The following TMEM232 variants were observed in gnomAD, a reference collection of about 807,000 sequenced individuals.
TMEM232 encodes the protein transmembrane protein 232.
A neutral mutation model predicts 78.8 loss-of-function variants in TMEM232; 80 were observed. The ratio of observed to expected loss-of-function variants is 1.01; its 90% confidence interval spans 0.85 to 1.22. The LOEUF (loss-of-function observed/expected upper bound fraction) is 1.22. Among genes scored for constraint, TMEM232 ranks in the 50% most tolerant of loss-of-function variants. TMEM232 has a pLI of 0.00. For synonymous variants in TMEM232, 297 were observed against 254.3 expected, an observed-to-expected ratio of 1.17 and a Z score of -1.60; for missense variants, 881 against 742.2, an observed-to-expected ratio of 1.19 and a Z score of -2.17.
chr5:110,581,273 A>G (rs1261454832), intron 10 of TMEM232, among the ~76,000 whole-genome samples: 1 of 152,064 alleles, frequency 6.6e-6, no homozygotes, highest in Non-Finnish European at 1.5e-5. Context: ...GCTATACAAC[A>G]AGGCTACAGT....
chr5:110,634,205 A>G (rs1785505671), intron 5 of TMEM232, among the ~76,000 whole-genome samples: 1 of 152,114 alleles, frequency 6.6e-6, no homozygotes, highest in Admixed American at 6.6e-5. Context: ...AACAAATACT[A>G]CTAGATCTAA....
In TMEM232 at chr5:110,570,462, G is replaced by A. The variant is rs376943481; in HGVS notation, c.1277-1837C>T. 1.2e-3 allele frequency among the ~76,000 whole-genome samples: 186 copies of A among 152,000 alleles called. 3 individuals carry two copies. The South Asian group carries it at 0.037, about 31-fold the overall frequency. ...AATAATTTGTAAGAGAAATTAGAGG[G>A]TAACTGTTAAATGAAAAGATGATGG... is the stretch of plus-strand genomic sequence containing the variant. On this transcript the variant is annotated intron_variant, in intron 10 of 13. Transcript: ENST00000455884.
At chr5:110,699,646 C>G (rs1295922173) in intron 1 of TMEM232, among the ~76,000 whole-genome samples, 1 of 151,930 alleles carries the variant, frequency 6.6e-6, no homozygotes, top group African/African-American at 2.4e-5. Flanking sequence ...ATCTTGGAAA[C>G]CATTTCTCGA....
intron 2 of TMEM232, among the ~76,000 whole-genome samples, chr5:110,733,658 A>C (rs1380922592): frequency 6.6e-6 from 1 of 152,080 alleles, no homozygotes. Context: ...CAAAGAGGGG[A>C]CCAACAGACA....
chr5:110,630,927 GA>G (rs1319349658), intron 5 of TMEM232, among the ~76,000 whole-genome samples: 1 of 152,082 alleles, frequency 6.6e-6, no homozygotes, highest in African/African-American at 2.4e-5. Context: ...CAGTGAGCTA[GA>G]GACCCCTGAA....
intron 12 of TMEM232, among the ~76,000 whole-genome samples, chr5:110,474,645 T>A (rs1763050916): frequency 6.6e-6 from 1 of 151,988 alleles, no homozygotes; most frequent in African/African-American, 2.4e-5. Flanking sequence ...GTGACTTTTA[T>A]ACTTAGAAAA....
chr5:110,631,498 C>T (rs576835928), intron 5 of TMEM232, among the ~76,000 whole-genome samples: 3 of 152,246 alleles, frequency 2.0e-5, no homozygotes, highest in South Asian at 4.2e-4. Context: ...TGTTCAGGCT[C>T]ATGCATAGGG....
chr5:110,416,586 G>A (rs1756223501), downstream of TMEM232, among the ~76,000 whole-genome samples: 1 of 152,112 alleles, frequency 6.6e-6, no homozygotes, highest in Non-Finnish European at 1.5e-5. Flanking sequence ...TTTGAAATTT[G>A]GAAGCAAAGT....
At chr5:110,499,644 C>CATAT (rs1297338271) in intron 12 of TMEM232, among the ~76,000 whole-genome samples, 4 of 147,380 alleles carry the variant, frequency 2.7e-5, no homozygotes, top group African/African-American at 1.1e-4. Context: ...CCCACACACA[C>CATAT]ACATATATAT....
intron 12 of TMEM232, among the ~76,000 whole-genome samples, chr5:110,478,056 G>A (rs1763446106): frequency 6.6e-6 from 1 of 151,878 alleles, no homozygotes; most frequent in Non-Finnish European, 1.5e-5. Context: ...GCATTACCAT[G>A]TGACATGTCT....
chr5:110,417,990 A>C (rs528825357), downstream of TMEM232: 1 of 152,170 alleles, frequency 6.6e-6, no homozygotes, highest in Non-Finnish European at 1.5e-5. Context: ...AGTACCAGCA[A>C]TAACTGGGCA....
intron 10 of TMEM232, 82 bp downstream of exon 10, chr5:110,605,027 C>A: frequency 1.5e-6 from 2 of 1,349,960 alleles, no homozygotes; most frequent in Non-Finnish European, 2.0e-6. Flanking sequence ...TAAATATTAA[C>A]TTTGAGTAGA....
chr5:110,713,725 C>T (rs1796731332), intron 1 of TMEM232, among the ~76,000 whole-genome samples: 1 of 151,874 alleles, frequency 6.6e-6, no homozygotes, highest in African/African-American at 2.4e-5. Flanking sequence ...AGAAAAAAGA[C>T]AGCTTTATCT....
At position 110,567,598 on chromosome 5, in the gene TMEM232, T is replaced by C. The variant is rs370073410; in HGVS notation, c.1455+849A>G. On this transcript the variant is annotated intron_variant, in intron 11 of 13. Coordinates refer to ENST00000455884, the MANE Select transcript of TMEM232 (RefSeq NM_001039763.4). The stretch of plus-strand genomic sequence containing the variant: ...AAATTATAATTTAGGCTAGGAGATA[T>C]AGGTTGATTTACAAATATAGTAGTC... 5.9e-5 allele frequency among the ~76,000 whole-genome samples: 9 copies of C among 152,026 alleles called. No homozygotes were observed. In the East Asian group the frequency reaches 1.6e-3, roughly 26 times the overall value.
intron 2 of TMEM232, among the ~76,000 whole-genome samples, chr5:110,660,091 A>C (rs2150098832): frequency 6.6e-6 from 1 of 152,232 alleles, no homozygotes; most frequent in African/African-American, 2.4e-5. Context: ...AATCTAAGTA[A>C]GATAATTTTT....
chr5:110,659,055 T>G (rs1178713574), intron 2 of TMEM232, among the ~76,000 whole-genome samples: 3 of 152,158 alleles, frequency 2.0e-5, no homozygotes, highest in Non-Finnish European at 4.4e-5. Context: ...ACCCTCAACA[T>G]GCTTATTTTC....
intron 2 of TMEM232, among the ~76,000 whole-genome samples, chr5:110,662,598 C>A (rs553450506): frequency 5.3e-5 from 8 of 151,888 alleles, no homozygotes; most frequent in African/African-American, 1.9e-4. Flanking sequence ...ATTACCAAAC[C>A]ATAGTAATTA....
chr5:110,553,442 T>C (rs1484987706), intron 11 of TMEM232, among the ~76,000 whole-genome samples: 1 of 152,178 alleles, frequency 6.6e-6, no homozygotes, highest in African/African-American at 2.4e-5. Context: ...TATCTTTTTT[T>C]CCCTGTTGAG....
At chr5:110,594,721 G>A (rs1336701493) in intron 10 of TMEM232, among the ~76,000 whole-genome samples, 1 of 152,174 alleles carries the variant, frequency 6.6e-6, no homozygotes, top group African/African-American at 2.4e-5. Context: ...GCTGTGGCCA[G>A]ACTGCCTCTC....
Sources: allele counts gnomAD v4.1 joint callset (sites outside exome capture counted in the v4.1 genomes callset), GRCh38; gene constraint gnomAD v4.1.1; transcripts MANE v1.5; gene names NCBI Gene and HGNC (gene_info 2026-07-23, HGNC 2026-07-21).